The following SHLD1 variants were observed in gnomAD, a reference collection of about 807,000 sequenced individuals.
SHLD1 encodes shieldin complex subunit 1, also known as RINN1-REV7-interacting novel NHEJ regulator 3.
A neutral mutation model predicts 5.5 loss-of-function variants in SHLD1; 3 were observed. The ratio of observed to expected loss-of-function variants is 0.54; its 90% CI spans 0.25 to 1.40. SHLD1 has a LOEUF of 1.40. Ranked by LOEUF, SHLD1 falls within the 40% of genes most tolerant of loss-of-function variation. The probability of loss-of-function intolerance (pLI) is 0.15; values close to 1 mark genes in which losing one functional copy is unlikely to be tolerated. For synonymous variants in SHLD1, 92 were observed against 94.3 expected (o/e 0.98, Z 0.14); for missense variants, 210 against 244.4 (o/e 0.86, Z 0.94).
At chr20:5,767,456 G>A (rs1467537863) in intron 1 of SHLD1, among the ~76,000 whole-genome samples, 1 of 152,084 alleles carries the variant, frequency 6.6e-6, no homozygotes, top group Non-Finnish European at 1.5e-5. Context: ...CATTTATTAA[G>A]TTCTACTCTC....
At chr20:5,787,183 C>T (rs1290532561) in intron 2 of SHLD1, among the ~76,000 whole-genome samples, 2 of 152,182 alleles carry the variant, frequency 1.3e-5, no homozygotes, top group African/African-American at 4.8e-5. Flanking sequence ...GCCTTGGTCC[C>T]CACAAAGGCA....
intron 2 of SHLD1, among the ~76,000 whole-genome samples, chr20:5,796,944 C>G (rs1331978770): frequency 6.6e-6 from 1 of 151,978 alleles, no homozygotes; most frequent in Non-Finnish European, 1.5e-5. Flanking sequence ...TTAACTCAAC[C>G]TTCAACAGGC....
chr20:5,775,767 G>A (rs940654997), intron 2 of SHLD1, among the ~76,000 whole-genome samples: 2 of 151,948 alleles, frequency 1.3e-5, no homozygotes, highest in Non-Finnish European at 2.9e-5. Context: ...TTTGTAAAAT[G>A]GAGATGATAA....
chr20:5,816,147 C>A (rs1235704684), intron 2 of SHLD1, among the ~76,000 whole-genome samples: 1 of 150,130 alleles, frequency 6.7e-6, no homozygotes, highest in Non-Finnish European at 1.5e-5. Flanking sequence ...GAATACACAG[C>A]CCATGAATTG....
intron 2 of SHLD1, among the ~76,000 whole-genome samples, chr20:5,775,758 T>G (rs1985392668): frequency 6.6e-6 from 1 of 151,928 alleles, no homozygotes. Context: ...GTCTCCTTAT[T>G]TGTAAAATGG....
Position 5,830,869 on chromosome 20 carries a change from A to G in SHLD1, c.179-32155A>G, listed in dbSNP as rs118104920. ...AAGTTAATAGAGCTTATGATTTAGT[A>G]TACCATGAATATTATATACCATGAT... On this transcript the variant is annotated intron_variant, in intron 2 of 2. Coordinates refer to ENST00000303142, the MANE Select transcript of SHLD1 (RefSeq NM_152504.4). Among the ~76,000 whole-genome samples the G allele has an allele frequency of 1.5e-3, 232 of 152,224 alleles. 1 individual carries two copies. Among genetic ancestry groups the G allele is most frequent in the East Asian group, 0.013 (68 of 5,184 alleles).
intron 1 of SHLD1, among the ~76,000 whole-genome samples, chr20:5,756,072 T>C (rs1457000648): frequency 1.3e-5 from 2 of 152,178 alleles, no homozygotes; most frequent in Admixed American, 1.3e-4. Flanking sequence ...TCTATTTTAA[T>C]GTTAAGGCTG....
rs776358532 is a variant in SHLD1 at position 5,778,114 on chromosome 20, C to CT, written c.178+5091dup. Among the ~76,000 whole-genome samples the CT allele has an allele frequency of 7.2e-3, 811 of 111,916 alleles. 15 individuals carry two copies. Among genetic ancestry groups the CT allele is most frequent in the African/African-American group, 0.013 (378 of 30,070 alleles). The allele number at this position is 111,916 out of a possible 152,430, so 73.4% of individuals were successfully genotyped here. A position where few individuals can be genotyped will look rare whatever the true frequency, so the allele number is the denominator to read the frequency against. ...GGCTGAGGCAGGAGGATCCCTTTTT[C>CT]TTTTTTTTTTTTTTTTTTTTGAGAC... On this transcript the variant is annotated intron_variant, in intron 2 of 2. Transcript: ENST00000303142.
At chr20:5,785,287 T>C (rs1321036332) in intron 2 of SHLD1, among the ~76,000 whole-genome samples, 2 of 152,196 alleles carry the variant, frequency 1.3e-5, no homozygotes, top group Non-Finnish European at 2.9e-5. Flanking sequence ...TCACACACGT[T>C]GTTCTTTTGA....
At chr20:5,845,637 A>C (rs1378259037) in intron 2 of SHLD1, among the ~76,000 whole-genome samples, 2 of 152,226 alleles carry the variant, frequency 1.3e-5, no homozygotes, top group Non-Finnish European at 2.9e-5. Flanking sequence ...AACATAAGAA[A>C]ATCAATTTTC....
At chr20:5,842,130 C>T (rs1050509595) in intron 2 of SHLD1, among the ~76,000 whole-genome samples, 8 of 152,122 alleles carry the variant, frequency 5.3e-5, no homozygotes, top group South Asian at 2.1e-4. Context: ...AAGATGATCA[C>T]GTGTGATTTG....
intron 1 of SHLD1, among the ~76,000 whole-genome samples, chr20:5,769,804 G>A (rs757076017): frequency 6.6e-6 from 1 of 152,088 alleles, no homozygotes; most frequent in African/African-American, 2.4e-5. Flanking sequence ...AGGGGTTCGA[G>A]ACCAGCCTGG....
intron 2 of SHLD1, among the ~76,000 whole-genome samples, chr20:5,785,496 A>ATTAAGAATTAAGC (rs2122287164): frequency 6.6e-6 from 1 of 152,260 alleles, no homozygotes; most frequent in East Asian, 1.9e-4. Context: ...CATACTATGC[A>ATTAAGAATTAAGC]TTAAGAATTA....
chr20:5,788,241 T>C lies in SHLD1; in HGVS notation c.178+15198T>C, dbSNP rs78462796. On this transcript the variant is annotated intron_variant, in intron 2 of 2. Coordinates refer to ENST00000303142, the MANE Select transcript of SHLD1 (RefSeq NM_152504.4). ...AATTGAGGGGCAAATTTAAATAAAT[T>C]GTAAAAAACAAAAAAACAGAGGTGT... Among the ~76,000 whole-genome samples, 466 of 152,268 alleles carry C rather than the reference T, an allele frequency of 3.1e-3. 2 individuals are homozygous for C. The highest frequency in any genetic ancestry group is 0.011 in the African/African-American group (449 of 41,542).
intron 1 of SHLD1, among the ~76,000 whole-genome samples, chr20:5,763,153 A>T (rs1266589685): frequency 6.6e-6 from 1 of 151,714 alleles, no homozygotes; most frequent in African/African-American, 2.4e-5. Context: ...CTAAAAACAC[A>T]AAATTATCCA....
chr20:5,814,179 C>T (rs1427456140), intron 2 of SHLD1, among the ~76,000 whole-genome samples: 4 of 151,784 alleles, frequency 2.6e-5, no homozygotes, highest in African/African-American at 9.7e-5. Flanking sequence ...TGGTCTTGAA[C>T]TCCTGAGCTC....
At chr20:5,819,327 T>C (rs2087578351) in intron 2 of SHLD1, among the ~76,000 whole-genome samples, 3 of 152,202 alleles carry the variant, frequency 2.0e-5, no homozygotes, top group Non-Finnish European at 4.4e-5. Context: ...TACGTAAAAG[T>C]TGAACCAGAT....
intron 2 of SHLD1, among the ~76,000 whole-genome samples, chr20:5,826,299 A>G (rs2087664545): frequency 6.6e-6 from 1 of 152,180 alleles, no homozygotes; most frequent in African/African-American, 2.4e-5. Context: ...CCATATTGAA[A>G]TAGCTATTTA....
chr20:5,804,549 G>A (rs112313399), intron 2 of SHLD1, among the ~76,000 whole-genome samples: 1 of 152,080 alleles, frequency 6.6e-6, no homozygotes. Flanking sequence ...ATATGTGACC[G>A]TACAAGAACA....
Sources: gnomAD v4.1 joint callset for allele counts (sites outside exome capture counted in the v4.1 genomes callset) on GRCh38, gnomAD v4.1.1 for gene constraint, MANE v1.5 for transcripts, NCBI Gene and HGNC (gene_info 2026-07-23, HGNC 2026-07-21) for gene names.